ADAMTSL1: variants seen among roughly 807,000 people sequenced by gnomAD.
ADAMTSL1 encodes ADAMTS like 1.
Under a neutral mutation model 201.8 loss-of-function variants are expected in ADAMTSL1, and 126 were observed. The ratio of observed to expected loss-of-function variants is 0.62; its 90% confidence interval spans 0.54 to 0.72. The LOEUF is 0.72. ADAMTSL1 is among the 30% of genes least tolerant of loss of function. The pLI is 0.00. For missense variants in ADAMTSL1, 2,679 were observed against 2,277.8 expected (o/e 1.18, Z -3.59); for synonymous variants, 1,121 against 903.4 (o/e 1.24, Z -4.32).
chr9:18,689,706 G>T (rs900530339), intron 13 of ADAMTSL1, among the ~76,000 whole-genome samples: 1 of 152,172 alleles, frequency 6.6e-6, no homozygotes, highest in Non-Finnish European at 1.5e-5. Context: ...GAAGCAATGG[G>T]ATATGCCAGT....
chr9:18,257,219 G>A (rs1338653466), intron 2 of ADAMTSL1, among the ~76,000 whole-genome samples: 2 of 152,064 alleles, frequency 1.3e-5, no homozygotes, highest in African/African-American at 2.4e-5. Flanking sequence ...TCATAAAAAT[G>A]TTTTTTAAAA....
intron 26 of ADAMTSL1, among the ~76,000 whole-genome samples, chr9:18,897,425 C>G (rs141417708): frequency 6.6e-6 from 1 of 152,114 alleles, no homozygotes; most frequent in Admixed American, 6.5e-5. Flanking sequence ...GGTGAGACCT[C>G]CCAACAGGGG....
intron 3 of ADAMTSL1, among the ~76,000 whole-genome samples, chr9:18,552,437 G>A (rs1406284008): frequency 2.0e-5 from 3 of 151,584 alleles, no homozygotes; most frequent in Non-Finnish European, 4.4e-5. Context: ...TTCCAAAATG[G>A]TCTTTTTATT....
rs186008493 is a variant in ADAMTSL1, at chr9:18,538,381, T to C, written c.237+5089T>C. 2.3e-3 allele frequency among the ~76,000 whole-genome samples: 355 copies of C among 152,250 alleles called. 2 individuals are homozygous for C. The highest frequency in any genetic ancestry group is 3.7e-3 in the Non-Finnish European group (252 of 68,016). ...GAGAACAGAATGATCATGGCAAGTT[T>C]ATAATTTCTTTGAGCCTCAGTTTCT... is the stretch of plus-strand genomic sequence containing the variant. On this transcript the variant is annotated intron_variant, in intron 3 of 28. Transcript: ENST00000380548.
chr9:18,250,426 T>C (rs915881686), intron 2 of ADAMTSL1, among the ~76,000 whole-genome samples: 1 of 152,128 alleles, frequency 6.6e-6, no homozygotes, highest in South Asian at 2.1e-4. Context: ...TTGAGATCAA[T>C]GGGGAATAAA....
intron 9 of ADAMTSL1, among the ~76,000 whole-genome samples, chr9:18,675,356 G>A (rs1432539244): frequency 6.6e-6 from 1 of 152,104 alleles, no homozygotes; most frequent in Non-Finnish European, 1.5e-5. Flanking sequence ...GATCTGCCAA[G>A]AGAAGAAACC....
chr9:18,000,265 T>G (rs1487955917), intron 1 of ADAMTSL1, among the ~76,000 whole-genome samples: 1 of 150,430 alleles, frequency 6.6e-6, no homozygotes, highest in African/African-American at 2.5e-5. Context: ...CTCCAGCACC[T>G]GTTGTTTCCT....
intron 1 of ADAMTSL1, among the ~76,000 whole-genome samples, chr9:17,912,801 A>T (rs1254603812): frequency 8.2e-6 from 1 of 122,426 alleles, no homozygotes; most frequent in African/African-American, 2.6e-5. Flanking sequence ...GTTTTCTTCT[A>T]GGGTTTTTAT....
chr9:18,742,854 G>A (rs941129307), intron 15 of ADAMTSL1, among the ~76,000 whole-genome samples: 1 of 152,170 alleles, frequency 6.6e-6, no homozygotes, highest in Admixed American at 6.5e-5. Context: ...TATGGTATTA[G>A]AGAAGAAACA....
intron 1 of ADAMTSL1, among the ~76,000 whole-genome samples, chr9:18,108,795 A>T (rs1260326788): frequency 6.6e-6 from 1 of 151,800 alleles, no homozygotes; most frequent in Admixed American, 6.6e-5. Context: ...TCCTTTTTCA[A>T]TGTGTAATTA....
chr9:17,936,550 G>T (rs957423981), intron 1 of ADAMTSL1, among the ~76,000 whole-genome samples: 1 of 152,188 alleles, frequency 6.6e-6, no homozygotes, highest in Non-Finnish European at 1.5e-5. Context: ...GTCCTTTCCA[G>T]CTCTAACAAT....
At chr9:18,752,750 T>A (rs2133608054) in intron 15 of ADAMTSL1, among the ~76,000 whole-genome samples, 1 of 152,324 alleles carries the variant, frequency 6.6e-6, no homozygotes, top group East Asian at 1.9e-4. Context: ...TGTTACATTA[T>A]CCAGTCCCAG....
chr9:18,777,584 C>G lies in ADAMTSL1; in HGVS notation c.3355C>G (p.Leu1119Val), dbSNP rs576572968. ...CAGCCACCTGGAGCACCAGGACACG[C>G]TCCTGAAGCCCTCGGAGCGCAGGAC... ...FRSHLEHQDT[L>V]LKPSERRTSP... Residue 1119 changes from leucine (L) to valine (V), a missense_variant, in exon 19 of 29, where the codon CTC becomes GTC. By Grantham distance (32) the Leu-to-Val change is conservative (BLOSUM62 1). Coordinates refer to ENST00000380548, the MANE Select transcript of ADAMTSL1 (RefSeq NM_001040272.6). 1.6e-5 allele frequency: 26 copies of G among 1,611,698 alleles called. No individual in the cohort carries two copies. Among genetic ancestry groups the G allele is most frequent in the African/African-American group, 9.3e-5 (7 of 75,000 alleles).
chr9:18,308,583 T>C (rs1180100352), intron 2 of ADAMTSL1, among the ~76,000 whole-genome samples: 1 of 151,440 alleles, frequency 6.6e-6, no homozygotes, highest in Non-Finnish European at 1.5e-5. Context: ...AACTGGAAAA[T>C]GAAGAAGAAA....
chr9:17,924,405 A>G (rs1588423649), intron 1 of ADAMTSL1, among the ~76,000 whole-genome samples: 3 of 152,064 alleles, frequency 2.0e-5, no homozygotes, highest in Non-Finnish European at 4.4e-5. Context: ...TTTCTAGTTT[A>G]TTTGCGTAGA....
At chr9:18,490,639 G>A (rs546684557) in intron 1 of ADAMTSL1, among the ~76,000 whole-genome samples, 1 of 152,148 alleles carries the variant, frequency 6.6e-6, no homozygotes, top group Non-Finnish European at 1.5e-5. Flanking sequence ...GAGAACAGGG[G>A]CCTGAGGAAA....
At chr9:18,302,371 G>C (rs1285996652) in intron 2 of ADAMTSL1, among the ~76,000 whole-genome samples, 1 of 152,184 alleles carries the variant, frequency 6.6e-6, no homozygotes, top group Non-Finnish European at 1.5e-5. Flanking sequence ...AGTGATGAAA[G>C]TATGTGTTAT....
chr9:18,590,344 T>A (rs952046776), intron 4 of ADAMTSL1, among the ~76,000 whole-genome samples: 4 of 152,126 alleles, frequency 2.6e-5, no homozygotes, highest in Non-Finnish European at 2.9e-5. Flanking sequence ...TATATTTCTA[T>A]GGTGTCACCT....
At chr9:18,266,667 G>A (rs1348860565) in intron 2 of ADAMTSL1, among the ~76,000 whole-genome samples, 1 of 152,104 alleles carries the variant, frequency 6.6e-6, no homozygotes, top group African/African-American at 2.4e-5. Context: ...AGGATGGCGT[G>A]GTTCCATGGT....
Sources: allele counts gnomAD v4.1 joint callset (sites outside exome capture counted in the v4.1 genomes callset), GRCh38; gene constraint gnomAD v4.1.1; transcripts MANE v1.5; gene names NCBI Gene and HGNC (gene_info 2026-07-23, HGNC 2026-07-21).